Variants in ARMC7 observed in about 807,000 individuals in gnomAD.
ARMC7 encodes the protein armadillo repeat containing 7, also known as armadillo repeat-containing protein 7.
A neutral mutation model predicts 14.8 loss-of-function variants in ARMC7; 9 were observed. The observed-to-expected ratio is 0.61, with a 90% CI of 0.37 to 1.06. ARMC7 has a LOEUF of 1.06. Among genes scored for constraint, ARMC7 ranks in the 50% least tolerant of loss-of-function variants. The pLI, the probability that ARMC7 is intolerant of heterozygous loss-of-function variation, is 0.01. For synonymous variants in ARMC7, 125 were observed against 123.4 expected (o/e 1.01, Z -0.09); for missense variants, 262 against 267.1 (o/e 0.98, Z 0.13).
chr17:75,116,551 G>C (rs2073974207), intron 2 of ARMC7, among the ~76,000 whole-genome samples: 1 of 152,216 alleles, frequency 6.6e-6, no homozygotes, highest in South Asian at 2.1e-4. Context: ...CTTGAACCGA[G>C]GAGGTGGAGG....
chr17:75,115,001 C>G (rs2073963367), intron 2 of ARMC7, among the ~76,000 whole-genome samples: 1 of 152,034 alleles, frequency 6.6e-6, no homozygotes, highest in Non-Finnish European at 1.5e-5. Context: ...AGTCTTTTAT[C>G]CGATGTGGCA....
Position 75,130,107 on chromosome 17 carries a change from C to A in ARMC7, c.*1069C>A. On this transcript the variant is annotated 3_prime_UTR_variant, in exon 3 of 3. Transcript: ENST00000245543. Reference sequence around the variant, plus strand: ...GCAGGTGCTACAAAAATGGTACCCACGTGGGCATGGAAATGGGGCAGATTA... The same window carrying A: ...GCAGGTGCTACAAAAATGGTACCCAAGTGGGCATGGAAATGGGGCAGATTA... 1 of 191,210 alleles carries A rather than the reference C, an allele frequency of 5.2e-6. No individual in the cohort carries two copies. The highest frequency in any genetic ancestry group is 5.4e-5 in the Admixed American group (1 of 18,564). The allele number at this position is 191,210 out of a possible 1,614,324, so 11.8% of individuals were successfully genotyped here. A position where few individuals can be genotyped will look rare whatever the true frequency, so the allele number is the denominator to read the frequency against.
chr17:75,113,774 T>A (rs937092744), intron 2 of ARMC7, among the ~76,000 whole-genome samples: 2 of 152,176 alleles, frequency 1.3e-5, no homozygotes, highest in Non-Finnish European at 2.9e-5. Context: ...ATGAGGGGGC[T>A]CCAGCACATG....
chr17:75,123,515 G>A (rs1007946607), intron 2 of ARMC7, among the ~76,000 whole-genome samples: 4 of 151,594 alleles, frequency 2.6e-5, no homozygotes, highest in Admixed American at 1.3e-4. Flanking sequence ...CACCGTGCCC[G>A]GCTAATTTTT....
chr17:75,128,360 A>C (rs1255669315), intron 2 of ARMC7, among the ~76,000 whole-genome samples: 2 of 152,090 alleles, frequency 1.3e-5, no homozygotes, highest in Non-Finnish European at 2.9e-5. Flanking sequence ...GGCGTGAACC[A>C]CCGTGCCCGG....
chr17:75,127,780 C>T (rs373256536), intron 2 of ARMC7, among the ~76,000 whole-genome samples: 10 of 152,154 alleles, frequency 6.6e-5, no homozygotes, highest in Admixed American at 1.3e-4. Flanking sequence ...GTTTTGGTAG[C>T]GACAGAGTTT....
At chr17:75,116,481 T>C (rs1018457456) in intron 2 of ARMC7, among the ~76,000 whole-genome samples, 2 of 152,110 alleles carry the variant, frequency 1.3e-5, no homozygotes, top group Non-Finnish European at 2.9e-5. Flanking sequence ...TACAATTAGC[T>C]GGGTGCGGTG....
At chr17:75,124,805 C>T (rs1476701670) in intron 2 of ARMC7, among the ~76,000 whole-genome samples, 1 of 151,974 alleles carries the variant, frequency 6.6e-6, no homozygotes, top group Non-Finnish European at 1.5e-5. Flanking sequence ...TGACTTCTCC[C>T]ATGGAAATGG....
intron 2 of ARMC7, chr17:75,114,760 T>C: frequency 2.5e-6 from 1 of 398,514 alleles, no homozygotes; most frequent in Non-Finnish European, 4.4e-6. Flanking sequence ...ACAGTAGCTT[T>C]CTCAGCGTCG....
At chr17:75,123,447 G>A (rs1306961944) in intron 2 of ARMC7, among the ~76,000 whole-genome samples, 3 of 150,154 alleles carry the variant, frequency 2.0e-5, no homozygotes, top group Non-Finnish European at 3.0e-5. Context: ...TCCACCTCCC[G>A]GGTTCAGGCC....
At position 75,129,032 on chromosome 17, in the gene ARMC7, G is replaced by C; in HGVS notation, c.591G>C (p.Gln197His). 6.3e-7 allele frequency: 1 copy of C among 1,596,102 alleles called. No homozygotes were observed. The highest frequency in any genetic ancestry group is 8.5e-7 in the Non-Finnish European group (1 of 1,178,112). ...TGCCGAGGAGCGTGGCCCCACGGCA[G>C]CGCTGATCCATGGAGACTGCGAGAC... ...IPLPRSVAPRQR is the reference protein window; with the variant it reads ...IPLPRSVAPRHR Residue 197 changes from glutamine to histidine, a missense_variant, in exon 3 of 3, where the codon CAG becomes CAC. Coordinates refer to ENST00000245543, the MANE Select transcript of ARMC7 (RefSeq NM_024585.4).
chr17:75,127,489 G>C (rs146964343), intron 2 of ARMC7, among the ~76,000 whole-genome samples: 1 of 152,126 alleles, frequency 6.6e-6, no homozygotes, highest in Admixed American at 6.6e-5. Context: ...AGTAGAGACG[G>C]GGTTTCACCA....
intron 2 of ARMC7, among the ~76,000 whole-genome samples, chr17:75,112,543 A>G (rs900552517): frequency 7.1e-6 from 1 of 141,058 alleles, no homozygotes; most frequent in African/African-American, 2.7e-5. Flanking sequence ...TACATAAATT[A>G]TCTTAAATCT....
intron 2 of ARMC7, among the ~76,000 whole-genome samples, chr17:75,123,027 G>T (rs2145130696): frequency 6.9e-6 from 1 of 145,444 alleles, no homozygotes. Context: ...ATTATTCTTT[G>T]GACACTTTTT....
intron 2 of ARMC7, among the ~76,000 whole-genome samples, chr17:75,115,028 C>G (rs1372662065): frequency 6.6e-6 from 1 of 152,170 alleles, no homozygotes; most frequent in East Asian, 1.9e-4. Flanking sequence ...AGATTGTGAT[C>G]TCCCTGAGCC....
chr17:75,122,987 A>G (rs1167367689), intron 2 of ARMC7, among the ~76,000 whole-genome samples: 1 of 149,468 alleles, frequency 6.7e-6, no homozygotes, highest in Non-Finnish European at 1.5e-5. Context: ...TCCCTCCTTC[A>G]TCTTAAATTA....
intron 2 of ARMC7, among the ~76,000 whole-genome samples, chr17:75,116,355 T>C (rs772964537): frequency 7.9e-5 from 12 of 152,126 alleles, no homozygotes; most frequent in Non-Finnish European, 1.6e-4. Context: ...AGGCCGGGCA[T>C]GGTGGCTGAC....
At chr17:75,126,744 G>A (rs895397917) in intron 2 of ARMC7, among the ~76,000 whole-genome samples, 6 of 151,830 alleles carry the variant, frequency 4.0e-5, no homozygotes, top group African/African-American at 7.3e-5. Context: ...ACCATGCCCC[G>A]CTAATCACAA....
intron 2 of ARMC7, among the ~76,000 whole-genome samples, chr17:75,111,049 T>C (rs1326498999): frequency 6.6e-6 from 1 of 151,276 alleles, no homozygotes; most frequent in Non-Finnish European, 1.5e-5. Context: ...TGCTTGAGTC[T>C]GGGAGGCAGA....
Sources: gnomAD v4.1 joint callset for allele counts (sites outside exome capture counted in the v4.1 genomes callset) on GRCh38, gnomAD v4.1.1 for gene constraint, MANE v1.5 for transcripts, NCBI Gene and HGNC (gene_info 2026-07-23, HGNC 2026-07-21) for gene names.